The following FAT3 variants were observed in gnomAD, a reference collection of about 807,000 sequenced individuals.
The protein encoded by FAT3 is FAT atypical cadherin 3.
A neutral mutation model predicts 310.2 loss-of-function variants in FAT3; 95 were observed. The observed-to-expected ratio is 0.31, with a 90% confidence interval of 0.26 to 0.36. FAT3 has a LOEUF of 0.36. Ranked by LOEUF, FAT3 falls within the 10% of genes least tolerant of loss-of-function variation. FAT3 has a pLI of 1.00. For missense variants in FAT3, 5,408 were observed against 5,715.6 expected (o/e 0.95, Z 1.74); for synonymous variants, 2,314 against 2,192.9 (o/e 1.06, Z -1.54).
At chr11:92,453,171 A>G (rs189602310) in intron 2 of FAT3, among the ~76,000 whole-genome samples, 153 of 152,290 alleles carry the variant, frequency 1.0e-3, no homozygotes, top group African/African-American at 3.5e-3. Flanking sequence ...TATTGAAAGG[A>G]TTTGAATGTT....
chr11:92,442,104 TATATATA>T (rs1338728938), intron 2 of FAT3, among the ~76,000 whole-genome samples: 7 of 21,570 alleles, frequency 3.2e-4, no homozygotes, highest in East Asian at 2.0e-3. Context: ...TATATATATA[TATATATA>T]TTTTTTTTTT....
intron 3 of FAT3, among the ~76,000 whole-genome samples, chr11:92,540,771 TTTTG>T (rs1392060103): frequency 7.4e-4 from 76 of 102,638 alleles, no homozygotes; most frequent in African/African-American, 1.8e-3. Context: ...TTTTGTTTTG[TTTTG>T]TTTTTTTTGA....
intron 2 of FAT3, among the ~76,000 whole-genome samples, chr11:92,492,305 A>C (rs1405190006): frequency 1.3e-5 from 2 of 151,542 alleles, no homozygotes; most frequent in East Asian, 3.9e-4. Flanking sequence ...CCATCCATCC[A>C]TCCATGCTCA....
chr11:92,763,017 G>C (rs561790406), intron 5 of FAT3, among the ~76,000 whole-genome samples: 2 of 152,018 alleles, frequency 1.3e-5, no homozygotes. Context: ...AAATTAGCTG[G>C]GCATGGTGGT....
intron 3 of FAT3, among the ~76,000 whole-genome samples, chr11:92,649,994 A>G (rs551307881): frequency 1.3e-5 from 2 of 150,146 alleles, no homozygotes; most frequent in African/African-American, 4.9e-5. Flanking sequence ...AGTCATACCC[A>G]AAGAGAGTGC....
chr11:92,835,231 C>G (rs1948375957), intron 15 of FAT3, 147 bp downstream of exon 15: 5 of 605,160 alleles, frequency 8.3e-6, no homozygotes, highest in Non-Finnish European at 1.4e-5. Flanking sequence ...AGCCATCTTT[C>G]TATGGCTCCT....
In FAT3 at chr11:92,844,309, A is replaced by G. The variant is rs750257126; in HGVS notation, c.10942A>G (p.Thr3648Ala). ...GTTGGTGCATGAGATGCTGCAGAACACTGTCACCATCCGCTTTGAAAATGT... is the reference window on the plus strand; with the variant it reads ...GTTGGTGCATGAGATGCTGCAGAACGCTGTCACCATCCGCTTTGAAAATGT... ...EQLVHEMLQN[T>A]VTIRFENVSP... The change falls in exon 19 of 28, where the codon ACT (threonine) becomes GCT (alanine). Residue 3648 changes from threonine to alanine, a missense_variant. Coordinates refer to ENST00000525166, the MANE Select transcript of FAT3 (RefSeq NM_001367949.2). The G allele has an allele frequency of 1.1e-5, 17 of 1,613,814 alleles. No individual in the cohort carries two copies. The highest frequency in any genetic ancestry group is 1.6e-4 in the Middle Eastern group (1 of 6,084).
At chr11:92,420,352 C>T (rs1367851433) in intron 2 of FAT3, among the ~76,000 whole-genome samples, 1 of 152,096 alleles carries the variant, frequency 6.6e-6, no homozygotes, top group African/African-American at 2.4e-5. Context: ...CAAAAGTGGC[C>T]ACACTTTTAT....
At chr11:92,340,846 A>G (rs1270143540) in intron 1 of FAT3, among the ~76,000 whole-genome samples, 1 of 152,186 alleles carries the variant, frequency 6.6e-6, no homozygotes, top group Non-Finnish European at 1.5e-5. Context: ...GGACTATGGG[A>G]GAGCTGAAGG....
In FAT3 at chr11:92,857,315, C is replaced by CA; in HGVS notation, c.11468dup (p.Cys3824ValfsTer29). ...AGCCAGCAGGAGACCGTTCCTCTGC[C>CA]AGTGTCCACCAGGGAAGCTCGGAGA... On this transcript the variant is annotated frameshift_variant, in exon 20 of 28. Transcript: ENST00000525166. LOFTEE classifies it high-confidence loss of function. 6.2e-7 allele frequency: 1 copy of CA among 1,613,978 alleles called. No individual in the cohort carries two copies. Among genetic ancestry groups the CA allele is most frequent in the Non-Finnish European group, 8.5e-7 (1 of 1,179,878 alleles).
intron 1 of FAT3, among the ~76,000 whole-genome samples, chr11:92,268,164 G>T (rs1946021516): frequency 6.6e-6 from 1 of 151,896 alleles, no homozygotes; most frequent in South Asian, 2.1e-4. Flanking sequence ...TTTAATCTTA[G>T]CCCTGACAGA....
At chr11:92,706,242 C>T (rs1257807100) in intron 4 of FAT3, among the ~76,000 whole-genome samples, 1 of 152,028 alleles carries the variant, frequency 6.6e-6, no homozygotes, top group African/African-American at 2.4e-5. Flanking sequence ...TGCAGATGTA[C>T]CACTTAAATT....
At chr11:92,605,719 G>GGTTT (rs1181915435) in intron 3 of FAT3, among the ~76,000 whole-genome samples, 3 of 99,760 alleles carry the variant, frequency 3.0e-5, no homozygotes, top group African/African-American at 1.3e-4. Flanking sequence ...AAATAGCTAT[G>GGTTT]TTTTTTTTTT....
In FAT3 at chr11:92,459,890, C is replaced by T. The variant is rs186260278; in HGVS notation, c.3293-64744C>T. ...CTAGTTGATCTTTAACTTTGCATGC[C>T]TTATATACATTCCTGGAGCTCTTTC... On this transcript the variant is annotated intron_variant, in intron 2 of 27. Coordinates refer to ENST00000525166, the MANE Select transcript of FAT3 (RefSeq NM_001367949.2). Among the ~76,000 whole-genome samples, 6 of 151,946 alleles carry T rather than the reference C, an allele frequency of 3.9e-5. No individual in the cohort carries two copies. The East Asian group carries it at 9.7e-4, about 25-fold the overall frequency.
At chr11:92,834,567 C>T (rs1948349305) in intron 14 of FAT3, among the ~76,000 whole-genome samples, 1 of 152,186 alleles carries the variant, frequency 6.6e-6, no homozygotes, top group Admixed American at 6.5e-5. Context: ...TGTTCCTACT[C>T]GTTAGTTGTG....
At chr11:92,379,078 C>G (rs957279986) in intron 2 of FAT3, among the ~76,000 whole-genome samples, 1 of 152,208 alleles carries the variant, frequency 6.6e-6, no homozygotes, top group Non-Finnish European at 1.5e-5. Flanking sequence ...TGTCATCATA[C>G]CCCCTGCCAC....
intron 2 of FAT3, among the ~76,000 whole-genome samples, chr11:92,454,915 A>G (rs1046576775): frequency 6.6e-5 from 10 of 152,166 alleles, no homozygotes; most frequent in African/African-American, 2.4e-4. Flanking sequence ...GAATAGCCTC[A>G]TTATACAGAT....
intron 1 of FAT3, among the ~76,000 whole-genome samples, chr11:92,241,077 A>G (rs576392908): frequency 6.6e-6 from 1 of 152,120 alleles, no homozygotes; most frequent in Non-Finnish European, 1.5e-5. Flanking sequence ...TCTCATTGCT[A>G]TGCAAATGAG....
intron 2 of FAT3, among the ~76,000 whole-genome samples, chr11:92,430,850 T>G (rs542284737): frequency 4.6e-5 from 7 of 152,330 alleles, no homozygotes; most frequent in African/African-American, 1.4e-4. Flanking sequence ...TCATCATTTT[T>G]TATGGCTGCA....
Sources: gnomAD v4.1 joint callset for allele counts (sites outside exome capture counted in the v4.1 genomes callset) on GRCh38, gnomAD v4.1.1 for gene constraint, MANE v1.5 for transcripts, NCBI Gene and HGNC (gene_info 2026-07-23, HGNC 2026-07-21) for gene names.